Variants in PHYHIPL observed in about 807,000 individuals in gnomAD.
The protein encoded by PHYHIPL is phytanoyl-CoA 2-hydroxylase interacting protein like, also known as phytanoyl-CoA hydroxylase-interacting protein-like.
Under a neutral mutation model 33.4 loss-of-function variants are expected in PHYHIPL, and 9 were observed. The ratio of observed to expected loss-of-function variants is 0.27; its 90% CI spans 0.16 to 0.47. PHYHIPL has a LOEUF of 0.47. Ranked by LOEUF, PHYHIPL falls within the 20% of genes least tolerant of loss-of-function variation. The probability of loss-of-function intolerance (pLI) is 0.99; values close to 1 mark genes in which losing one functional copy is unlikely to be tolerated. For missense variants in PHYHIPL, 365 were observed against 460.7 expected (o/e 0.79, Z 1.90); for synonymous variants, 153 against 154.1 (o/e 0.99, Z 0.05).
chr10:59,242,026 C>T (rs537990399), intron 4 of PHYHIPL, among the ~76,000 whole-genome samples: 5 of 152,244 alleles, frequency 3.3e-5, no homozygotes, highest in South Asian at 2.1e-4. Flanking sequence ...ACAAACAAAC[C>T]GTAGTCCCTC....
chr10:59,245,411 T>C lies in PHYHIPL; in HGVS notation c.951T>C (p.Asp317=), dbSNP rs1251995601. The change falls in exon 5 of 5, where the codon GAT becomes GAC. Residue 317 remains aspartate (D), a synonymous_variant. Transcript: ENST00000373880. ...DNKFLTCTEE[D]GVLVYHHAQD... ...AATTTTTGACCTGTACAGAAGAAGATGGGGTGCTGGTTTACCACCATGCCC... is the reference window on the plus strand; with the variant it reads ...AATTTTTGACCTGTACAGAAGAAGACGGGGTGCTGGTTTACCACCATGCCC... The C allele has an allele frequency of 6.2e-7, 1 of 1,614,034 alleles. No homozygotes were observed. The highest frequency in any genetic ancestry group is 1.3e-5 in the African/African-American group (1 of 74,916).
chr10:59,199,450 G>C (rs1406756186), intron 1 of PHYHIPL, among the ~76,000 whole-genome samples: 1 of 152,098 alleles, frequency 6.6e-6, no homozygotes, highest in Non-Finnish European at 1.5e-5. Context: ...TGCTGTTTTT[G>C]TTACCGTAGC....
Position 59,245,401 on chromosome 10 carries a change from C to T in PHYHIPL, c.941C>T (p.Thr314Ile). The change falls in exon 5 of 5, where the codon ACA (threonine) becomes ATA (isoleucine). Residue 314 changes from threonine (T) to isoleucine (I), a missense_variant. Thr to Ile is a moderately conservative substitution (Grantham distance 89). Transcript: ENST00000373880. ...NSKDNKFLTC[T>I]EEDGVLVYHH... ...AAGGATAATAAATTTTTGACCTGTACAGAAGAAGATGGGGTGCTGGTTTAC... is the reference window on the plus strand; with the variant it reads ...AAGGATAATAAATTTTTGACCTGTATAGAAGAAGATGGGGTGCTGGTTTAC... The T allele has an allele frequency of 3.7e-6, 6 of 1,614,110 alleles. No homozygotes were observed. The highest frequency in any genetic ancestry group is 5.1e-6 in the Non-Finnish European group (6 of 1,180,012).
At chr10:59,236,715 T>C in intron 3 of PHYHIPL, 58 bp downstream of exon 3, 1 of 1,379,938 alleles carries the variant, frequency 7.2e-7, no homozygotes, top group Non-Finnish European at 9.7e-7. Context: ...AAGCTAATTA[T>C]AGAAAAATAT....
At chr10:59,175,701 G>A (rs1390588271), upstream of PHYHIPL, among the ~76,000 whole-genome samples, 5 of 152,158 alleles carry the variant, frequency 3.3e-5, no homozygotes, top group African/African-American at 9.7e-5. Context: ...TAAAATCAAT[G>A]GGCATACAAG....
At chr10:59,207,920 A>G (rs1839332892) in intron 1 of PHYHIPL, among the ~76,000 whole-genome samples, 1 of 150,376 alleles carries the variant, frequency 6.6e-6, no homozygotes, top group Non-Finnish European at 1.5e-5. Context: ...CAGCAGCCCC[A>G]GTCAGGGGCT....
intron 1 of PHYHIPL, among the ~76,000 whole-genome samples, chr10:59,223,336 A>G (rs562486206): frequency 3.9e-5 from 6 of 152,316 alleles, no homozygotes; most frequent in Non-Finnish European, 7.4e-5. Context: ...TTCCTGAATA[A>G]CATCTATGTT....
intron 1 of PHYHIPL, among the ~76,000 whole-genome samples, chr10:59,233,956 TC>T (rs1291093214): frequency 1.3e-5 from 2 of 151,778 alleles, no homozygotes; most frequent in Non-Finnish European, 3.0e-5. Context: ...AATGTTTCCT[TC>T]ATTTGGATGG....
intron 1 of PHYHIPL, among the ~76,000 whole-genome samples, chr10:59,207,688 G>A (rs1382875973): frequency 1.3e-5 from 2 of 152,108 alleles, no homozygotes; most frequent in Admixed American, 6.5e-5. Flanking sequence ...TCAGCAGATC[G>A]AGACCATCCT....
In PHYHIPL at chr10:59,245,569, G is replaced by GTAA; in HGVS notation, c.1112_1114dup (p.Asn371dup). The GTAA allele has an allele frequency of 6.2e-7, 1 of 1,606,784 alleles. No homozygotes were observed. On this transcript the variant is annotated inframe_insertion, in exon 5 of 5. Transcript: ENST00000373880. The stretch of plus-strand genomic sequence containing the variant: ...AAGAAAGATCCCAGCTGCAAAACCT[G>GTAA]TAATATCAGTGTTGGACGTTAATGC...
intron 1 of PHYHIPL, among the ~76,000 whole-genome samples, chr10:59,226,218 A>G (rs1311776424): frequency 6.6e-6 from 1 of 152,204 alleles, no homozygotes; most frequent in East Asian, 1.9e-4. Context: ...AGTGGAAGCC[A>G]CACTGGAAGA....
intron 1 of PHYHIPL, among the ~76,000 whole-genome samples, chr10:59,185,111 C>T (rs1838544698): frequency 6.7e-6 from 1 of 150,124 alleles, no homozygotes; most frequent in Admixed American, 6.6e-5. Context: ...CTGCCTCAGC[C>T]TCCCAAGTAG....
chr10:59,177,969 GT>G (rs747565607), intron 1 of PHYHIPL, among the ~76,000 whole-genome samples: 13 of 152,138 alleles, frequency 8.5e-5, no homozygotes, highest in Non-Finnish European at 1.6e-4. Context: ...GTATATAGAG[GT>G]AATGATTGTA....
chr10:59,217,623 T>A (rs1331640685), intron 1 of PHYHIPL, among the ~76,000 whole-genome samples: 1 of 151,780 alleles, frequency 6.6e-6, no homozygotes, highest in Non-Finnish European at 1.5e-5. Context: ...TTTATTGTGT[T>A]TCACAATGAA....
chr10:59,235,618 T>C (rs1840206331), intron 2 of PHYHIPL, among the ~76,000 whole-genome samples: 2 of 151,938 alleles, frequency 1.3e-5, no homozygotes, highest in South Asian at 4.1e-4. Context: ...GTTCTGATTA[T>C]GCTTTCAGTG....
chr10:59,180,210 C>A (rs1161604154), intron 1 of PHYHIPL, among the ~76,000 whole-genome samples: 1 of 148,396 alleles, frequency 6.7e-6, no homozygotes, highest in East Asian at 2.0e-4. Context: ...CCACCCCACA[C>A]ACAGAATTTT....
intron 1 of PHYHIPL, among the ~76,000 whole-genome samples, chr10:59,223,222 G>T (rs1310792337): frequency 6.6e-6 from 1 of 152,162 alleles, no homozygotes; most frequent in East Asian, 1.9e-4. Flanking sequence ...AAATTTGTAC[G>T]GGCCTTTGGC....
chr10:59,176,497 G>C (rs1473828889), upstream of PHYHIPL: 1 of 162,766 alleles, frequency 6.1e-6, no homozygotes, highest in Non-Finnish European at 1.3e-5. Flanking sequence ...GCGGGGGAGG[G>C]ACCACCGCGC....
At chr10:59,179,096 C>A (rs548362279) in intron 1 of PHYHIPL, among the ~76,000 whole-genome samples, 13 of 152,256 alleles carry the variant, frequency 8.5e-5, no homozygotes, top group Admixed American at 2.6e-4. Flanking sequence ...GTTATCCTAT[C>A]TTACATGTCA....
Sources: gnomAD v4.1 joint callset for allele counts (sites outside exome capture counted in the v4.1 genomes callset) on GRCh38, gnomAD v4.1.1 for gene constraint, MANE v1.5 for transcripts, NCBI Gene and HGNC (gene_info 2026-07-23, HGNC 2026-07-21) for gene names.